Variants in RIGI observed in about 807,000 individuals in gnomAD.
The protein encoded by RIGI is RNA sensor RIG-I.
At chr9:32,460,777 A>G in the RIGI span, among the ~76,000 whole-genome samples, 19 of 152,040 alleles carry the variant, frequency 1.2e-4, no homozygotes, top group Admixed American at 1.3e-4. Flanking sequence ...CACTGGGGAA[A>G]AAAAAAGCGC....
At chr9:32,476,484 G>C in the RIGI span, among the ~76,000 whole-genome samples, 1 of 151,914 alleles carries the variant, frequency 6.6e-6, no homozygotes, top group Non-Finnish European at 1.5e-5. Flanking sequence ...CAGCCTAGGT[G>C]ACAGAGTGAG....
chr9:32,472,901 A>G, the RIGI span: 1 of 820,922 alleles, frequency 1.2e-6, no homozygotes, highest in Non-Finnish European at 1.8e-6. Context: ...ATATACACAC[A>G]CACATATACA....
At chr9:32,504,214 A>C in the RIGI span, among the ~76,000 whole-genome samples, 2 of 152,144 alleles carry the variant, frequency 1.3e-5, no homozygotes, top group Non-Finnish European at 2.9e-5. Context: ...ACAATATCTG[A>C]TTGCAGAGAG....
the RIGI span, among the ~76,000 whole-genome samples, chr9:32,469,290 A>G: frequency 6.6e-6 from 1 of 152,200 alleles, no homozygotes; most frequent in Non-Finnish European, 1.5e-5. Flanking sequence ...TGTTAGAGCA[A>G]TTAGATTACA....
chr9:32,456,421 T>A, the RIGI span: 3 of 152,036 alleles, frequency 2.0e-5, no homozygotes, highest in Admixed American at 1.3e-4. Context: ...TGTGTAGCCA[T>A]ACCACACGTT....
At chr9:32,473,138 T>C in the RIGI span, 13 of 1,117,836 alleles carry the variant, frequency 1.2e-5, no homozygotes, top group Non-Finnish European at 1.6e-5. Flanking sequence ...TTGAAATACA[T>C]GCAAAAAGAA....
chr9:32,505,562 AT>A, the RIGI span, among the ~76,000 whole-genome samples: 1 of 151,968 alleles, frequency 6.6e-6, no homozygotes, highest in Non-Finnish European at 1.5e-5. Flanking sequence ...TCATTTCAGC[AT>A]TTTTTTTGTT....
chr9:32,504,926 T>G, the RIGI span, among the ~76,000 whole-genome samples: 785 of 135,362 alleles, frequency 5.8e-3, 8 homozygotes, highest in African/African-American at 0.02. Flanking sequence ...CTATTATATA[T>G]AGATATAATA....
the RIGI span, among the ~76,000 whole-genome samples, chr9:32,504,793 T>TTAATACATAAAATATATAAAATA: frequency 7.5e-6 from 1 of 132,944 alleles, no homozygotes; most frequent in Non-Finnish European, 1.6e-5. Flanking sequence ...TAAAATATAT[T>TTAATACATAAAATATATAAAATA]TAATACATAA....
the RIGI span, among the ~76,000 whole-genome samples, chr9:32,471,983 T>C: frequency 6.6e-6 from 1 of 151,784 alleles, no homozygotes; most frequent in Admixed American, 6.6e-5. Context: ...TAAACAACAC[T>C]AAATAGGAAG....
At chr9:32,456,241 T>C in the RIGI span, 3 of 152,154 alleles carry the variant, frequency 2.0e-5, no homozygotes, top group Non-Finnish European at 4.4e-5. Context: ...AACATATTAA[T>C]AGGGCAAGAT....
the RIGI span, among the ~76,000 whole-genome samples, chr9:32,496,729 G>T: frequency 3.9e-5 from 6 of 152,128 alleles, no homozygotes; most frequent in Non-Finnish European, 7.4e-5. Flanking sequence ...ATATCCTATT[G>T]CTTTTGTTTC....
At chr9:32,521,929 C>G in the RIGI span, among the ~76,000 whole-genome samples, 3 of 151,996 alleles carry the variant, frequency 2.0e-5, no homozygotes, top group Non-Finnish European at 4.4e-5. Context: ...TGCATTGATT[C>G]TTTTCAAAAA....
At chr9:32,521,587 T>C in the RIGI span, among the ~76,000 whole-genome samples, 1 of 152,230 alleles carries the variant, frequency 6.6e-6, no homozygotes, top group Non-Finnish European at 1.5e-5. Flanking sequence ...GGGGTTTTTT[T>C]TAACCTCAAA....
chr9:32,502,226 T>A, the RIGI span, among the ~76,000 whole-genome samples: 2 of 152,276 alleles, frequency 1.3e-5, no homozygotes, highest in Admixed American at 1.3e-4. Context: ...TCCCACTGTA[T>A]GGATACACCA....
the RIGI span, among the ~76,000 whole-genome samples, chr9:32,468,661 A>C: frequency 1.3e-5 from 2 of 151,270 alleles, no homozygotes; most frequent in Non-Finnish European, 2.9e-5. Flanking sequence ...ATGAGACTCT[A>C]TCTTAAAAAA....
the RIGI span, chr9:32,459,603 C>T: frequency 7.5e-6 from 9 of 1,194,212 alleles, no homozygotes; most frequent in South Asian, 1.5e-5. Flanking sequence ...CATATACATG[C>T]ACGCACATGT....
chr9:32,477,068 T>A, the RIGI span: 1 of 1,614,088 alleles, frequency 6.2e-7, no homozygotes, highest in Non-Finnish European at 8.5e-7. Flanking sequence ...GAAGCAGAGG[T>A]CTTCAAGTTT....
At chr9:32,459,396 T>C in the RIGI span, 3 of 1,613,838 alleles carry the variant, frequency 1.9e-6, no homozygotes, top group Non-Finnish European at 2.5e-6. Context: ...GTCAGCTGTG[T>C]AACATGCCAA....
Sources: gnomAD v4.1 joint callset for allele counts (sites outside exome capture counted in the v4.1 genomes callset) on GRCh38, gnomAD v4.1.1 for gene constraint, MANE v1.5 for transcripts, NCBI Gene and HGNC (gene_info 2026-07-23, HGNC 2026-07-21) for gene names.